RNF180: variants seen among roughly 807,000 people sequenced by gnomAD.
The protein encoded by RNF180 is ring finger protein 180, also known as E3 ubiquitin-protein ligase RNF180.
RNF180 carries 38 observed loss-of-function variants against 59.2 expected under a neutral mutation model. The observed-to-expected ratio is 0.64, with a 90% CI of 0.50 to 0.84. RNF180 has a LOEUF of 0.84. Among genes scored for constraint, RNF180 ranks in the 40% least tolerant of loss-of-function variants. The probability of loss-of-function intolerance (pLI) is 0.00; values close to 1 mark genes in which losing one functional copy is unlikely to be tolerated. For synonymous variants in RNF180, 262 were observed against 240.3 expected (o/e 1.09, Z -0.84); for missense variants, 705 against 700.9 (o/e 1.01, Z -0.07).
At chr5:64,294,426 G>T (rs1742777664) in intron 5 of RNF180, among the ~76,000 whole-genome samples, 1 of 151,866 alleles carries the variant, frequency 6.6e-6, no homozygotes, top group Non-Finnish European at 1.5e-5. Context: ...AAATATCTGG[G>T]GGGTGGCAAA....
Position 64,279,439 on chromosome 5 carries a change from GTTGTTTTTTGT to G in RNF180, c.1228-45733_1228-45723del, listed in dbSNP as rs1293498936. On this transcript the variant is annotated intron_variant, in intron 5 of 7. Coordinates refer to ENST00000389100, the MANE Select transcript of RNF180 (RefSeq NM_001113561.2). Reference sequence around the variant, plus strand: ...GCATCCAGAGAGGGGTTTTTCTGTTGTTGTTTTTTGTTTGTTTTTTGTTTTTTGAATAGGAG... The same window carrying G: ...GCATCCAGAGAGGGGTTTTTCTGTTGTTGTTTTTTGTTTTTTGAATAGGAG... 7.9e-5 allele frequency among the ~76,000 whole-genome samples: 12 copies of G among 152,182 alleles called. 1 individual carries two copies. The East Asian group carries it at 2.3e-3, about 29-fold the overall frequency.
intron 1 of RNF180, among the ~76,000 whole-genome samples, chr5:64,185,119 C>T (rs924740058): frequency 6.6e-6 from 1 of 152,182 alleles, no homozygotes; most frequent in Admixed American, 6.5e-5. Context: ...CTCATAGACT[C>T]TACATCCAAT....
intron 5 of RNF180, among the ~76,000 whole-genome samples, chr5:64,255,978 T>G (rs1335509381): frequency 1.2e-4 from 18 of 152,254 alleles, no homozygotes; most frequent in East Asian, 1.9e-4. Flanking sequence ...TCATGTGTCT[T>G]TTGGCTGCAT....
intron 7 of RNF180, among the ~76,000 whole-genome samples, chr5:64,361,902 G>A (rs1746267813): frequency 6.6e-6 from 1 of 151,190 alleles, no homozygotes; most frequent in South Asian, 2.1e-4. Context: ...TTTAAATGGG[G>A]ACAAAAATTG....
intron 5 of RNF180, among the ~76,000 whole-genome samples, chr5:64,272,032 T>C (rs1253896133): frequency 6.6e-6 from 1 of 152,040 alleles, no homozygotes; most frequent in Non-Finnish European, 1.5e-5. Flanking sequence ...ATTAAACACA[T>C]ATTGTAACTT....
intron 5 of RNF180, among the ~76,000 whole-genome samples, chr5:64,284,158 T>C (rs993313295): frequency 2.0e-5 from 3 of 152,228 alleles, no homozygotes; most frequent in Non-Finnish European, 4.4e-5. Context: ...GAATTTCTTT[T>C]CTTTAGGCAT....
chr5:64,321,862 T>G (rs1353435099), intron 5 of RNF180, among the ~76,000 whole-genome samples: 1 of 152,134 alleles, frequency 6.6e-6, no homozygotes, highest in African/African-American at 2.4e-5. Flanking sequence ...ACCACACATC[T>G]ACAACCATCT....
intron 1 of RNF180, among the ~76,000 whole-genome samples, chr5:64,181,314 A>C (rs1307380384): frequency 6.6e-6 from 1 of 152,142 alleles, no homozygotes; most frequent in African/African-American, 2.4e-5. Flanking sequence ...TCAAGTTGAC[A>C]CTCAGTATTA....
chr5:64,275,176 A>G (rs1741647000), intron 5 of RNF180, among the ~76,000 whole-genome samples: 1 of 151,596 alleles, frequency 6.6e-6, no homozygotes, highest in African/African-American at 2.4e-5. Context: ...ATGTCTGTAT[A>G]TTTAAAGTAA....
chr5:64,353,753 A>G (rs1222304002), intron 7 of RNF180, among the ~76,000 whole-genome samples: 1 of 151,836 alleles, frequency 6.6e-6, no homozygotes, highest in South Asian at 2.1e-4. Flanking sequence ...ATTTTAAAAG[A>G]TTGAAGCAAT....
intron 5 of RNF180, among the ~76,000 whole-genome samples, chr5:64,273,163 C>T (rs1167011789): frequency 1.3e-5 from 2 of 151,860 alleles, no homozygotes; most frequent in Admixed American, 6.6e-5. Context: ...CTCTCACCAG[C>T]ACCATGACAC....
chr5:64,307,024 C>T (rs1226281107), intron 5 of RNF180, among the ~76,000 whole-genome samples: 3 of 150,902 alleles, frequency 2.0e-5, no homozygotes, highest in Non-Finnish European at 4.4e-5. Context: ...AAGATGTGAC[C>T]ATAAAATGGT....
intron 5 of RNF180, among the ~76,000 whole-genome samples, chr5:64,240,542 G>A (rs1742748478): frequency 6.6e-6 from 1 of 152,208 alleles, no homozygotes. Flanking sequence ...TAGCTTCACA[G>A]TGGAAATTGG....
chr5:64,234,239 T>C (rs991708889), intron 5 of RNF180, among the ~76,000 whole-genome samples: 5 of 152,116 alleles, frequency 3.3e-5, no homozygotes, highest in African/African-American at 1.2e-4. Flanking sequence ...CCGAGGTGGG[T>C]GCATCACTTG....
intron 5 of RNF180, among the ~76,000 whole-genome samples, chr5:64,254,370 T>A (rs764693825): frequency 2.6e-5 from 4 of 152,190 alleles, no homozygotes; most frequent in Non-Finnish European, 2.9e-5. Flanking sequence ...TATTGGTGCC[T>A]TGTTTCTGGT....
chr5:64,313,270 G>A (rs944631323), intron 5 of RNF180, among the ~76,000 whole-genome samples: 1 of 151,944 alleles, frequency 6.6e-6, no homozygotes, highest in Admixed American at 6.6e-5. Flanking sequence ...AATGAGCATG[G>A]CACCCAATAG....
chr5:64,182,514 T>A (rs1387672331), intron 1 of RNF180, among the ~76,000 whole-genome samples: 1 of 152,152 alleles, frequency 6.6e-6, no homozygotes, highest in Non-Finnish European at 1.5e-5. Context: ...CCTCAGTGAA[T>A]GAGAAGACAG....
chr5:64,219,593 C>G (rs534528534), intron 5 of RNF180, among the ~76,000 whole-genome samples: 1 of 152,208 alleles, frequency 6.6e-6, no homozygotes, highest in African/African-American at 2.4e-5. Flanking sequence ...CAGCTCACTG[C>G]AACCCCTGCC....
intron 1 of RNF180, among the ~76,000 whole-genome samples, chr5:64,196,837 T>TAACC (rs1751480054): frequency 2.6e-5 from 4 of 152,160 alleles, no homozygotes; most frequent in Admixed American, 2.6e-4. Context: ...GTTATAAAGA[T>TAACC]TATTTCTTAA....
Sources: allele counts gnomAD v4.1 joint callset (sites outside exome capture counted in the v4.1 genomes callset), GRCh38; gene constraint gnomAD v4.1.1; transcripts MANE v1.5; gene names NCBI Gene and HGNC (gene_info 2026-07-23, HGNC 2026-07-21).